The following GLDC variants were observed in gnomAD, a reference collection of about 807,000 sequenced individuals.
GLDC encodes the protein glycine decarboxylase.
In GLDC, 104 loss-of-function variants were observed where a neutral mutation model predicts 121.3. The observed-to-expected ratio is 0.86, with a 90% CI of 0.73 to 1.01. The LOEUF (loss-of-function observed/expected upper bound fraction) is 1.01. GLDC is among the 50% of genes least tolerant of loss of function. The probability of loss-of-function intolerance (pLI) is 0.00; values close to 1 mark genes in which losing one functional copy is unlikely to be tolerated. For synonymous variants in GLDC, 546 were observed against 480.6 expected, an observed-to-expected ratio of 1.14 and a Z score of -1.78; for missense variants, 1,429 against 1,306.6, an observed-to-expected ratio of 1.09 and a Z score of -1.44.
At chr9:6,547,556 G>T (rs1442775330) in intron 21 of GLDC, among the ~76,000 whole-genome samples, 2 of 152,122 alleles carry the variant, frequency 1.3e-5, no homozygotes, top group African/African-American at 4.8e-5. Flanking sequence ...GAAAAAAATT[G>T]AAGCCATACA....
intron 8 of GLDC, among the ~76,000 whole-genome samples, chr9:6,599,863 A>C (rs1818566218): frequency 6.6e-6 from 1 of 152,156 alleles, no homozygotes; most frequent in Non-Finnish European, 1.5e-5. Context: ...CACCTTCCTG[A>C]GGCAAAACAT....
intron 5 of GLDC, among the ~76,000 whole-genome samples, chr9:6,606,317 A>AC: frequency 6.7e-6 from 1 of 148,448 alleles, no homozygotes; most frequent in Non-Finnish European, 1.5e-5. Flanking sequence ...CTCAAAAAAA[A>AC]AAAAAAAAAA....
chr9:6,563,952 GA>G (rs373805618), intron 16 of GLDC, among the ~76,000 whole-genome samples: 7 of 146,754 alleles, frequency 4.8e-5, no homozygotes, highest in African/African-American at 1.2e-4. Context: ...GCTATGAAGA[GA>G]AAAAAAAAAG....
At chr9:6,571,734 T>A (rs1817971568) in intron 15 of GLDC, among the ~76,000 whole-genome samples, 1 of 152,206 alleles carries the variant, frequency 6.6e-6, no homozygotes, top group East Asian at 1.9e-4. Flanking sequence ...ATGAATTGCT[T>A]ATTTCTCAAA....
chr9:6,534,903 T>A, intron 23 of GLDC, 115 bp from the exon 24 acceptor site: 2 of 704,358 alleles, frequency 2.8e-6, no homozygotes, highest in South Asian at 3.0e-5. Context: ...AAGCTGTTGT[T>A]TTCTTTCAAT....
At chr9:6,588,361 C>A in intron 14 of GLDC, 40 bp downstream of exon 14, 1 of 1,438,124 alleles carries the variant, frequency 7.0e-7, no homozygotes, top group East Asian at 2.3e-5. Context: ...TAGAACACTG[C>A]CCCTTGCTGA....
At chr9:6,598,094 T>C (rs1003806280) in intron 8 of GLDC, among the ~76,000 whole-genome samples, 2 of 152,198 alleles carry the variant, frequency 1.3e-5, no homozygotes, top group African/African-American at 4.8e-5. Flanking sequence ...AGTGGTGTGA[T>C]TGCAGCTCAC....
At chr9:6,533,373 T>C (rs1285374732) in intron 24 of GLDC, among the ~76,000 whole-genome samples, 2 of 152,178 alleles carry the variant, frequency 1.3e-5, no homozygotes, top group African/African-American at 4.8e-5. Context: ...AGCATCCCTA[T>C]GTGCTGTTGA....
chr9:6,542,909 A>T (rs1312460491), intron 21 of GLDC, among the ~76,000 whole-genome samples: 3 of 137,960 alleles, frequency 2.2e-5, no homozygotes, highest in Admixed American at 7.4e-5. Context: ...AAAAAAAAAA[A>T]GAGGTAGAAA....
intron 2 of GLDC, among the ~76,000 whole-genome samples, chr9:6,622,168 A>ACACG: frequency 7.1e-6 from 1 of 140,930 alleles, no homozygotes; most frequent in Non-Finnish European, 1.5e-5. Context: ...AGACACACAC[A>ACACG]CACACACACA....
chr9:6,629,939 A>G (rs75820898), intron 2 of GLDC, among the ~76,000 whole-genome samples: 4 of 78,198 alleles, frequency 5.1e-5, no homozygotes, highest in African/African-American at 4.4e-4. Context: ...CTATATATAT[A>G]TATATGTATA....
chr9:6,605,340 G>T, intron 5 of GLDC, 62 bp from the exon 6 acceptor site: 1 of 1,549,044 alleles, frequency 6.5e-7, no homozygotes, highest in Non-Finnish European at 8.9e-7. Context: ...ATTAATTAAC[G>T]TTTCTTTTCC....
At chr9:6,567,305 T>G (rs1817873259) in intron 15 of GLDC, 1 of 152,166 alleles carries the variant, frequency 6.6e-6, no homozygotes, top group Non-Finnish European at 1.5e-5. Context: ...AGTCCTAGCC[T>G]ATTTGAGGTT....
At chr9:6,606,533 A>C in intron 5 of GLDC, 59 bp downstream of exon 5, 1 of 1,005,656 alleles carries the variant, frequency 9.9e-7, no homozygotes, top group Non-Finnish European at 1.6e-6. Context: ...AAAGAGAAAG[A>C]AACAGCAGAG....
chr9:6,582,214 CAAAAAA>C (rs34879516), intron 15 of GLDC, among the ~76,000 whole-genome samples: 1 of 48,664 alleles, frequency 2.1e-5, no homozygotes, highest in Non-Finnish European at 3.8e-5. Flanking sequence ...GACTTCGTCT[CAAAAAA>C]AAAAAAAAAA....
intron 2 of GLDC, among the ~76,000 whole-genome samples, chr9:6,638,491 G>GCT: frequency 6.6e-6 from 1 of 151,814 alleles, no homozygotes; most frequent in African/African-American, 2.4e-5. Context: ...CTGGGATTAT[G>GCT]GGCGTGAGTC....
At position 6,639,436 on chromosome 9, in the gene GLDC, T is replaced by C. The variant is rs560306852; in HGVS notation, c.334+5178A>G. 338 of 905,382 alleles carry C rather than the reference T, an allele frequency of 3.7e-4. 2 individuals carry two copies. The highest frequency in any genetic ancestry group is 2.4e-3 in the South Asian group (184 of 77,392). The allele number at this position is 905,382 out of a possible 1,614,324, so 56.1% of individuals were successfully genotyped here. The stretch of plus-strand genomic sequence containing the variant: ...GAAGACAACAACACACTTGTGTTCA[T>C]TGTGGATGTTAAAGTCAACAAGCAC... On this transcript the variant is annotated intron_variant, in intron 2 of 24. Transcript: ENST00000321612.
chr9:6,634,418 A>G (rs542357720), intron 2 of GLDC, among the ~76,000 whole-genome samples: 46 of 152,124 alleles, frequency 3.0e-4, no homozygotes, highest in African/African-American at 1.0e-3. Flanking sequence ...AGTCCCAGCT[A>G]CTAGGGAGGC....
intron 17 of GLDC, chr9:6,557,907 C>T (rs912190393): frequency 1.3e-5 from 2 of 158,744 alleles, no homozygotes; most frequent in African/African-American, 4.8e-5. Flanking sequence ...AGAGGTGGAT[C>T]GAAGAGAGGT....
Sources: allele counts gnomAD v4.1 joint callset (sites outside exome capture counted in the v4.1 genomes callset), GRCh38; gene constraint gnomAD v4.1.1; transcripts MANE v1.5; gene names NCBI Gene and HGNC (gene_info 2026-07-23, HGNC 2026-07-21).